The following DEPDC1 variants were observed in gnomAD, a reference collection of about 807,000 sequenced individuals.
DEPDC1 encodes the protein DEP domain-containing protein 1A.
Under a neutral mutation model 86.8 loss-of-function variants are expected in DEPDC1, and 66 were observed. That is an observed-to-expected ratio of 0.76 (90% CI 0.62 to 0.93). DEPDC1 has a LOEUF of 0.93. Among genes scored for constraint, DEPDC1 ranks in the 40% least tolerant of loss-of-function variants. The pLI is 0.00. For missense variants in DEPDC1, 792 were observed against 935.7 expected, an observed-to-expected ratio of 0.85 and a Z score of 2.00; for synonymous variants, 255 against 314.9, an observed-to-expected ratio of 0.81 and a Z score of 2.02.
intron 5 of DEPDC1, among the ~76,000 whole-genome samples, 171 bp downstream of exon 5, chr1:68,488,203 A>C (rs1298760937): frequency 6.6e-6 from 1 of 151,872 alleles, no homozygotes; most frequent in East Asian, 1.9e-4. Flanking sequence ...ACTAGCACGA[A>C]TAATACTCAC....
At chr1:68,490,085 G>GT (rs1646219615) in intron 2 of DEPDC1, among the ~76,000 whole-genome samples, 1 of 152,080 alleles carries the variant, frequency 6.6e-6, no homozygotes, top group Non-Finnish European at 1.5e-5. Context: ...GGCAACCAAT[G>GT]TAATTGTTGA....
In DEPDC1 at chr1:68,489,573, C is replaced by T. The variant is rs187939587; in HGVS notation, c.350G>A (p.Arg117Gln). 205 of 1,539,852 alleles carry T rather than the reference C, an allele frequency of 1.3e-4. No homozygotes were observed. In the Admixed American group the frequency reaches 4.3e-3, roughly 33 times the overall value. ...GTTTTTTCTCAATTCTGGATACCTTCGTGGTAGAGTTTTAAGTGGCGAAGT... is the reference window on the plus strand; with the variant it reads ...GTTTTTTCTCAATTCTGGATACCTTTGTGGTAGAGTTTTAAGTGGCGAAGT... ...PATSPLKTLP[R>Q]RYPELRKNNI... is the part of the protein sequence containing the mutation. Residue 117 changes from arginine to glutamine, a missense_variant, in exon 3 of 12, where the codon CGA (arginine) becomes CAA (glutamine). By Grantham distance (43) the Arg-to-Gln change is conservative (BLOSUM62 1). Coordinates refer to ENST00000456315, the MANE Select transcript of DEPDC1 (RefSeq NM_001114120.3).
rs764787421 is a variant in DEPDC1 at position 68,479,132 on chromosome 1, C to T, written c.2112+12G>A. 6.3e-7 allele frequency: 1 copy of T among 1,592,278 alleles called. No homozygotes were observed. Among genetic ancestry groups the T allele is most frequent in the East Asian group, 2.3e-5 (1 of 44,370 alleles). On this transcript the variant is annotated intron_variant, in intron 10 of 11. Coordinates refer to ENST00000456315, the MANE Select transcript of DEPDC1 (RefSeq NM_001114120.3). Reference sequence around the variant, plus strand: ...GACTATTGCAGAGAATTTTAAGACTCACAATACTTACATGTCCCTTTTTTA... The same window carrying T: ...GACTATTGCAGAGAATTTTAAGACTTACAATACTTACATGTCCCTTTTTTA...
At position 68,477,006 on chromosome 1, in the gene DEPDC1, G is replaced by C. The variant is rs761996516; in HGVS notation, c.2362C>G (p.Leu788Val). ...TTGATTGTAGGTTTGTCACCAAAAA[G>C]TGCTGCTTCACTCTCCGTGGTTGGA... ...RFPTTESEAALFGDKPTIKQP... is the reference protein window; with the variant it reads ...RFPTTESEAAVFGDKPTIKQP... Residue 788 changes from leucine to valine, a missense_variant, in exon 12 of 12, where the codon CTT (leucine) becomes GTT (valine). By Grantham distance (32) the Leu-to-Val change is conservative. Coordinates refer to ENST00000456315, the MANE Select transcript of DEPDC1 (RefSeq NM_001114120.3). The C allele has an allele frequency of 4.4e-6, 7 of 1,607,542 alleles. No homozygotes were observed. Among genetic ancestry groups the C allele is most frequent in the African/African-American group, 1.3e-5 (1 of 74,758 alleles).
In DEPDC1 at chr1:68,482,094, A is replaced by T; in HGVS notation, c.1714T>A (p.Ser572Thr). The change falls in exon 8 of 12, where the codon TCA (serine) becomes ACA (threonine). Residue 572 changes from serine to threonine, a missense_variant. Physicochemically the swap from Ser to Thr is moderately conservative, Grantham distance 58 (BLOSUM62 1). Transcript: ENST00000456315. ...KRLCKSTIEL[S>T]ENSLLPASSM... ...GAAGCTGGAAGTAAAGAATTTTCTG[A>T]AAGTTCTATTGTACTTTTGCAGAGT... 6.2e-7 allele frequency: 1 copy of T among 1,604,286 alleles called. No individual in the cohort carries two copies. The highest frequency in any genetic ancestry group is 8.5e-7 in the Non-Finnish European group (1 of 1,176,984).
At chr1:68,486,881 AACACACACACACACACACACACACAC>A in intron 6 of DEPDC1, 30 bp downstream of exon 6, 4 of 1,176,566 alleles carry the variant, frequency 3.4e-6, no homozygotes, top group Non-Finnish European at 4.5e-6. Flanking sequence ...CTATCAATAT[AACACACACACACACACACACACACAC>A]ACACACACAC....
At chr1:68,493,690 C>T (rs1341191108) in intron 2 of DEPDC1, among the ~76,000 whole-genome samples, 1 of 152,084 alleles carries the variant, frequency 6.6e-6, no homozygotes, top group African/African-American at 2.4e-5. Flanking sequence ...AATAAATATT[C>T]TCTTTAACCT....
rs1312963079 is a variant in DEPDC1, at chr1:68,476,717, G to A, written c.*215C>T. ...TGGATAGCTGTGTTAAAAACAAAAA[G>A]TATTTGGTATCATCTATTGTTATGT... On this transcript the variant is annotated 3_prime_UTR_variant, in exon 12 of 12. Coordinates refer to ENST00000456315, the MANE Select transcript of DEPDC1 (RefSeq NM_001114120.3). 3 of 397,034 alleles carry A rather than the reference G, an allele frequency of 7.6e-6. No homozygotes were observed. Among genetic ancestry groups the A allele is most frequent in the Non-Finnish European group, 1.3e-5 (3 of 223,914 alleles). 24.6% of individuals were successfully genotyped at this position (397,034 alleles called of 1,614,324 possible). A position where few individuals can be genotyped will look rare whatever the true frequency, so the allele number is the denominator to read the frequency against.
chr1:68,487,095 C>A, intron 5 of DEPDC1, 111 bp from the exon 6 acceptor site: 1 of 861,830 alleles, frequency 1.2e-6, no homozygotes, highest in Non-Finnish European at 1.7e-6. Flanking sequence ...CATACACATA[C>A]ATGTTACATT....
chr1:68,479,275 C>T lies in DEPDC1; in HGVS notation c.1981G>A (p.Val661Met). ...CCAGCAAGAAGCTCATCAAGATCCACTTCTTCAGCACAGCATAACACACAT... is the reference window on the plus strand; with the variant it reads ...CCAGCAAGAAGCTCATCAAGATCCATTTCTTCAGCACAGCATAACACACAT... ...SRCVLCCAEE[V>M]DLDELLAGRL... Residue 661 changes from valine to methionine, a missense_variant, in exon 10 of 12, where the codon GTG becomes ATG. Coordinates refer to ENST00000456315, the MANE Select transcript of DEPDC1 (RefSeq NM_001114120.3). 4.3e-6 allele frequency: 7 copies of T among 1,612,482 alleles called. No homozygotes were observed. The highest frequency in any genetic ancestry group is 5.9e-6 in the Non-Finnish European group (7 of 1,179,114).
chr1:68,482,390 T>G lies in DEPDC1; in HGVS notation c.1418A>C (p.Glu473Ala). The G allele has an allele frequency of 6.2e-7, 1 of 1,612,846 alleles. No individual in the cohort carries two copies. Among genetic ancestry groups the G allele is most frequent in the Non-Finnish European group, 8.5e-7 (1 of 1,179,270 alleles). ...AGCACTGAATGGCTTTTGAATATTT[T>G]CCTCTGAATGAAGATTCAACAGGAA... Reference protein sequence around the residue: ...QEFLLNLHSEENIQKPFSAGF... With the variant: ...QEFLLNLHSEANIQKPFSAGF... The change falls in exon 8 of 12, where the codon GAA (glutamate) becomes GCA (alanine). Residue 473 changes from glutamate (E) to alanine (A), a missense_variant. Glu to Ala is a moderately radical substitution (Grantham distance 107). Transcript: ENST00000456315.
intron 2 of DEPDC1, among the ~76,000 whole-genome samples, chr1:68,489,874 A>G (rs1183773075): frequency 6.6e-6 from 1 of 152,026 alleles, no homozygotes; most frequent in African/African-American, 2.4e-5. Flanking sequence ...TTGCTTACAC[A>G]CAAAATGGCT....
In DEPDC1 at chr1:68,482,771, A is replaced by G. The variant is rs752170095; in HGVS notation, c.1037T>C (p.Leu346Pro). 4.3e-6 allele frequency: 7 copies of G among 1,612,768 alleles called. No homozygotes were observed. Among genetic ancestry groups the G allele is most frequent in the Non-Finnish European group, 5.9e-6 (7 of 1,179,262 alleles). Residue 346 changes from leucine (L) to proline (P), a missense_variant, in exon 8 of 12, where the codon CTT (leucine) becomes CCT (proline). Coordinates refer to ENST00000456315, the MANE Select transcript of DEPDC1 (RefSeq NM_001114120.3). ...LNSFKSTECL[L>P]LSLLHREKNK... is the part of the protein sequence containing the mutation. ...TTTTTCTCTATGAAGCAGACTGAGA[A>G]GAAGGCACTCAGTTGATTTGAAGGA... is the stretch of plus-strand genomic sequence containing the variant.
At chr1:68,487,771 G>A (rs1646202169) in intron 5 of DEPDC1, among the ~76,000 whole-genome samples, 1 of 151,802 alleles carries the variant, frequency 6.6e-6, no homozygotes, top group South Asian at 2.1e-4. Flanking sequence ...GAGATTTATG[G>A]ATACCTTTCT....
At chr1:68,491,575 A>G (rs764472417) in intron 2 of DEPDC1, among the ~76,000 whole-genome samples, 68 of 152,312 alleles carry the variant, frequency 4.5e-4, no homozygotes, top group Middle Eastern at 6.8e-3. Context: ...GGGAGTGTAA[A>G]TAACTCCTTT....
At position 68,496,315 on chromosome 1, in the gene DEPDC1, C is replaced by G. The variant is rs1422111686; in HGVS notation, c.48+637G>C. ...CACAGAAGGTAGGGGACTCACCTAA[C>G]GTCACATAACCAGCACCACAGTATC... is the stretch of plus-strand genomic sequence containing the variant. On this transcript the variant is annotated intron_variant, in intron 1 of 11. Transcript: ENST00000456315. The surrounding 1 kb of genome is among the most constrained non-coding windows in gnomAD (Gnocchi z 4.0). Among the ~76,000 whole-genome samples, 4 of 152,168 alleles carry G rather than the reference C, an allele frequency of 2.6e-5. No individual in the cohort carries two copies. Among genetic ancestry groups the G allele is most frequent in the African/African-American group, 7.2e-5 (3 of 41,436 alleles).
intron 9 of DEPDC1, among the ~76,000 whole-genome samples, chr1:68,479,745 G>T (rs1646141310): frequency 6.6e-6 from 1 of 151,502 alleles, no homozygotes; most frequent in Admixed American, 6.6e-5. Flanking sequence ...CCAGGGTGCA[G>T]TGAGCTATGA....
chr1:68,488,269 C>A (rs1646205782), intron 5 of DEPDC1, 105 bp downstream of exon 5: 4 of 1,063,098 alleles, frequency 3.8e-6, no homozygotes, highest in Non-Finnish European at 5.2e-6. Context: ...CTCTGATGCT[C>A]CATGAAAGTA....
chr1:68,491,629 A>G (rs1346072084), intron 2 of DEPDC1, among the ~76,000 whole-genome samples: 1 of 152,198 alleles, frequency 6.6e-6, no homozygotes, highest in East Asian at 1.9e-4. Context: ...TCTCCCTCTA[A>G]GGGAGAGTAA....
Sources: allele counts gnomAD v4.1 joint callset (sites outside exome capture counted in the v4.1 genomes callset), GRCh38; gene constraint gnomAD v4.1.1; non-coding constraint Gnocchi (gnomAD v3.1); transcripts MANE v1.5; gene names NCBI Gene and HGNC (gene_info 2026-07-23, HGNC 2026-07-21).